GNA14: variants seen among roughly 807,000 people sequenced by gnomAD.
GNA14 encodes the protein guanine nucleotide-binding protein subunit alpha-14.
In GNA14, 50 loss-of-function variants were observed where a neutral mutation model predicts 42.0. That is an observed-to-expected ratio of 1.19 (90% CI 0.95 to 1.51). The LOEUF (loss-of-function observed/expected upper bound fraction) is 1.51. Ranked by LOEUF, GNA14 falls within the 40% of genes most tolerant of loss-of-function variation. GNA14 has a pLI of 0.00. For missense variants in GNA14, 473 were observed against 446.2 expected (o/e 1.06, Z -0.54); for synonymous variants, 173 against 163.1 (o/e 1.06, Z -0.46).
chr9:77,623,191 T>C (rs866145490), intron 1 of GNA14, among the ~76,000 whole-genome samples: 15 of 97,826 alleles, frequency 1.5e-4, no homozygotes, highest in South Asian at 3.6e-4. Context: ...CACTCCAGCA[T>C]GGGCAAAAGA....
At chr9:77,592,449 T>C (rs1228471031) in intron 1 of GNA14, among the ~76,000 whole-genome samples, 1 of 152,222 alleles carries the variant, frequency 6.6e-6, no homozygotes, top group Non-Finnish European at 1.5e-5. Context: ...TTCTAGATTC[T>C]CATAGTATAA....
chr9:77,629,334 G>A (rs755634134), intron 1 of GNA14, among the ~76,000 whole-genome samples: 1 of 152,122 alleles, frequency 6.6e-6, no homozygotes, highest in South Asian at 2.1e-4. Flanking sequence ...CTCCTCAAGG[G>A]TCTAAAACCA....
intron 2 of GNA14, among the ~76,000 whole-genome samples, chr9:77,471,156 G>A (rs547697961): frequency 6.6e-6 from 1 of 152,336 alleles, no homozygotes; most frequent in African/African-American, 2.4e-5. Flanking sequence ...GACAATACTG[G>A]AAGGTATTAG....
At chr9:77,618,573 T>C (rs533788163) in intron 1 of GNA14, among the ~76,000 whole-genome samples, 6 of 129,808 alleles carry the variant, frequency 4.6e-5, no homozygotes, top group African/African-American at 1.8e-4. Context: ...GCTGGATGAT[T>C]ACATTTGAAT....
intron 1 of GNA14, among the ~76,000 whole-genome samples, chr9:77,616,720 C>A (rs1385206796): frequency 6.6e-6 from 1 of 152,108 alleles, no homozygotes; most frequent in Non-Finnish European, 1.5e-5. Flanking sequence ...ACATCACTAT[C>A]CAAAGAAAAG....
chr9:77,639,302 C>T (rs1824223113), intron 1 of GNA14, among the ~76,000 whole-genome samples: 1 of 152,194 alleles, frequency 6.6e-6, no homozygotes, highest in Non-Finnish European at 1.5e-5. Context: ...ATGTGCCAGG[C>T]ACTATTCTAA....
chr9:77,503,511 C>A (rs900041763), intron 2 of GNA14, among the ~76,000 whole-genome samples: 1 of 152,180 alleles, frequency 6.6e-6, no homozygotes, highest in Admixed American at 6.5e-5. Context: ...ACGTGATGTT[C>A]ATTTCTCTCC....
chr9:77,631,352 G>C (rs971747338), intron 1 of GNA14, among the ~76,000 whole-genome samples: 2 of 150,532 alleles, frequency 1.3e-5, no homozygotes, highest in African/African-American at 4.9e-5. Context: ...GCTAAGCTAA[G>C]AACTATAGTA....
chr9:77,477,324 G>C (rs563813762), intron 2 of GNA14, among the ~76,000 whole-genome samples: 1 of 152,262 alleles, frequency 6.6e-6, no homozygotes, highest in African/African-American at 2.4e-5. Flanking sequence ...TCCAGCCTGG[G>C]TGACACAGCA....
chr9:77,566,487 T>C (rs1039959514), intron 1 of GNA14, among the ~76,000 whole-genome samples: 1 of 152,280 alleles, frequency 6.6e-6, no homozygotes, highest in Non-Finnish European at 1.5e-5. Flanking sequence ...TCTTAAGTCA[T>C]GGAATTGCCT....
intron 1 of GNA14, among the ~76,000 whole-genome samples, chr9:77,537,966 T>G (rs1209446250): frequency 6.6e-6 from 1 of 152,214 alleles, no homozygotes; most frequent in African/African-American, 2.4e-5. Context: ...ATATTCTGGA[T>G]ATTAATCCCT....
chr9:77,503,724 C>G (rs1837011467), intron 2 of GNA14, among the ~76,000 whole-genome samples: 1 of 143,778 alleles, frequency 7.0e-6, no homozygotes, highest in African/African-American at 2.6e-5. Flanking sequence ...GTGGTGTGAT[C>G]TCGGCTCACT....
At chr9:77,467,578 T>C (rs75907824) in intron 2 of GNA14, among the ~76,000 whole-genome samples, 1 of 150,950 alleles carries the variant, frequency 6.6e-6, no homozygotes, top group Non-Finnish European at 1.5e-5. Flanking sequence ...CTACTGTGAA[T>C]GAACTTAGGC....
At chr9:77,433,856 T>C (rs1835598481) in intron 3 of GNA14, among the ~76,000 whole-genome samples, 1 of 152,194 alleles carries the variant, frequency 6.6e-6, no homozygotes. Context: ...GCCTCCTATC[T>C]GTGCCACTAG....
At chr9:77,465,292 C>T (rs550008483) in intron 2 of GNA14, among the ~76,000 whole-genome samples, 8 of 152,294 alleles carry the variant, frequency 5.3e-5, no homozygotes, top group Non-Finnish European at 1.0e-4. Flanking sequence ...TTGGGATTGG[C>T]TTCTTTCCCT....
At chr9:77,641,016 G>A (rs1296954020) in intron 1 of GNA14, among the ~76,000 whole-genome samples, 2 of 140,878 alleles carry the variant, frequency 1.4e-5, no homozygotes, top group Non-Finnish European at 3.1e-5. Context: ...AATCATTGAG[G>A]GAAAAAAACC....
chr9:77,457,231 G>A lies in GNA14; in HGVS notation c.310-22709C>T, dbSNP rs578260738. ...CGAGAGAGAAAGAGAGAGACAAGGA[G>A]AGAGAAAAAGAAAGAGACTGAGTTA... On this transcript the variant is annotated intron_variant, in intron 2 of 6. Coordinates refer to ENST00000341700, the MANE Select transcript of GNA14 (RefSeq NM_004297.4). Among the ~76,000 whole-genome samples, 9 of 152,362 alleles carry A rather than the reference G, an allele frequency of 5.9e-5. No homozygotes were observed. The East Asian group carries it at 1.7e-3, about 29-fold the overall frequency.
At chr9:77,642,921 C>G (rs1022364268) in intron 1 of GNA14, among the ~76,000 whole-genome samples, 1 of 152,172 alleles carries the variant, frequency 6.6e-6, no homozygotes, top group Admixed American at 6.5e-5. Flanking sequence ...ATGTCTCACC[C>G]AAGCCCCCAT....
chr9:77,469,523 A>G (rs973478428), intron 2 of GNA14, among the ~76,000 whole-genome samples: 4 of 137,748 alleles, frequency 2.9e-5, no homozygotes, highest in Non-Finnish European at 6.1e-5. Context: ...CTGCAAGAAA[A>G]GACTGACAAC....
Sources: allele counts gnomAD v4.1 joint callset (sites outside exome capture counted in the v4.1 genomes callset), GRCh38; gene constraint gnomAD v4.1.1; transcripts MANE v1.5; gene names NCBI Gene and HGNC (gene_info 2026-07-23, HGNC 2026-07-21).